FREM1: variants seen among roughly 807,000 people sequenced by gnomAD.
The protein encoded by FREM1 is FRAS1 related extracellular matrix 1.
A neutral mutation model predicts 210.1 loss-of-function variants in FREM1; 220 were observed. That is an observed-to-expected ratio of 1.05 (90% CI 0.94 to 1.17). FREM1 has a LOEUF of 1.17. Ranked by LOEUF, FREM1 falls within the 50% of genes most tolerant of loss-of-function variation. FREM1 has a pLI of 0.00. For missense variants in FREM1, 3,454 were observed against 2,675.5 expected, an observed-to-expected ratio of 1.29 and a Z score of -6.42; for synonymous variants, 1,189 against 980.2, an observed-to-expected ratio of 1.21 and a Z score of -3.98.
At chr9:14,906,948 C>G (rs1290383319) in intron 1 of FREM1, among the ~76,000 whole-genome samples, 1 of 152,154 alleles carries the variant, frequency 6.6e-6, no homozygotes, top group Non-Finnish European at 1.5e-5. Context: ...AAGTGACATG[C>G]AATCTTAGCA....
rs371893428 is a variant in FREM1 at position 14,884,072 on chromosome 9, T to C, written c.-267-14828A>G. Among the ~76,000 whole-genome samples the C allele has an allele frequency of 2.5e-4, 38 of 152,088 alleles. No individual in the cohort carries two copies. The South Asian group carries it at 7.3e-3, about 29-fold the overall frequency. ...GGCGAAACCCTGCCTCTACTAAAAATACAAAAATCAGCCGGGCGTGGTGGT... is the reference window on the plus strand; with the variant it reads ...GGCGAAACCCTGCCTCTACTAAAAACACAAAAATCAGCCGGGCGTGGTGGT... On this transcript the variant is annotated intron_variant, in intron 1 of 36. Transcript: ENST00000380880.
intron 1 of FREM1, among the ~76,000 whole-genome samples, chr9:14,879,621 A>G (rs1057168366): frequency 1.3e-5 from 2 of 152,220 alleles, no homozygotes; most frequent in Admixed American, 6.5e-5. Context: ...ATATACTTAT[A>G]CCATGGAATG....
At chr9:14,761,899 C>G (rs1423446469) in intron 27 of FREM1, among the ~76,000 whole-genome samples, 1 of 152,206 alleles carries the variant, frequency 6.6e-6, no homozygotes, top group Non-Finnish European at 1.5e-5. Flanking sequence ...GTGATGCTGG[C>G]ATCCCATGAT....
intron 22 of FREM1, among the ~76,000 whole-genome samples, chr9:14,792,260 CCA>C (rs1317167026): frequency 1.7e-5 from 2 of 114,392 alleles, no homozygotes; most frequent in African/African-American, 3.6e-5. Context: ...ATACACACAC[CCA>C]CACACACACG....
intron 16 of FREM1, among the ~76,000 whole-genome samples, chr9:14,809,864 G>A (rs112547263): frequency 0.032 from 4,712 of 145,832 alleles, 217 homozygotes; most frequent in African/African-American, 0.11. Flanking sequence ...AATGCAGTGT[G>A]GTTAGAATAG....
intron 35 of FREM1, among the ~76,000 whole-genome samples, chr9:14,745,699 T>C (rs1367852904): frequency 6.6e-6 from 1 of 152,224 alleles, no homozygotes; most frequent in South Asian, 2.1e-4. Context: ...ATTAGTCTAA[T>C]TGTGTTGTTT....
In FREM1 at chr9:14,874,807, G is replaced by A. The variant is rs567403259; in HGVS notation, c.-267-5563C>T. Among the ~76,000 whole-genome samples, 52 of 152,258 alleles carry A rather than the reference G, an allele frequency of 3.4e-4. No homozygotes were observed. In the East Asian group the frequency reaches 8.3e-3, roughly 24 times the overall value. ...GCATGATTTTGCAGTGGCTGGTACC[G>A]GTTGTTCCTTTCCATATTTAGTGCT... On this transcript the variant is annotated intron_variant, in intron 1 of 36. Transcript: ENST00000380880.
At chr9:14,898,463 C>A (rs573921891) in intron 1 of FREM1, among the ~76,000 whole-genome samples, 22 of 152,220 alleles carry the variant, frequency 1.4e-4, no homozygotes, top group Admixed American at 1.0e-3. Context: ...AGAATGCAGC[C>A]GGGTGTGGTG....
intron 29 of FREM1, among the ~76,000 whole-genome samples, chr9:14,755,073 G>T (rs1035915844): frequency 1.3e-5 from 2 of 152,308 alleles, no homozygotes; most frequent in African/African-American, 4.8e-5. Flanking sequence ...CCGGAAGCAT[G>T]GAAGAGAGGC....
In FREM1 at chr9:14,773,317, G is replaced by T. The variant is rs373993019; in HGVS notation, c.4857+2472C>A. ...TGGTATCAGTCAAATACACCTGTGT[G>T]TTGCAGCAGTTTTGCCCTCAATTAC... On this transcript the variant is annotated intron_variant, in intron 25 of 36. Coordinates refer to ENST00000380880, the MANE Select transcript of FREM1 (RefSeq NM_001379081.2). Among the ~76,000 whole-genome samples the T allele has an allele frequency of 2.2e-4, 34 of 152,326 alleles. 1 individual carries two copies. In the East Asian group the frequency reaches 4.6e-3, roughly 21 times the overall value.
chr9:14,774,691 C>T (rs1002587421), intron 25 of FREM1, among the ~76,000 whole-genome samples: 2 of 151,948 alleles, frequency 1.3e-5, no homozygotes, highest in Admixed American at 1.3e-4. Flanking sequence ...AGAGTAGATT[C>T]AAGGGTTTGA....
chr9:14,819,158 T>A, intron 14 of FREM1, 76 bp downstream of exon 14: 1 of 1,040,804 alleles, frequency 9.6e-7, no homozygotes, highest in Non-Finnish European at 1.4e-6. Flanking sequence ...CAAACTTCTT[T>A]CTCTTACTCT....
intron 29 of FREM1, among the ~76,000 whole-genome samples, chr9:14,750,814 A>G (rs996042108): frequency 6.6e-6 from 1 of 152,130 alleles, no homozygotes; most frequent in Non-Finnish European, 1.5e-5. Flanking sequence ...ATGATATAAT[A>G]CTCAGTAGTT....
intron 20 of FREM1, among the ~76,000 whole-genome samples, chr9:14,800,043 C>A (rs771035348): frequency 1.3e-5 from 2 of 148,468 alleles, no homozygotes; most frequent in Non-Finnish European, 3.0e-5. Flanking sequence ...TGAGAACATG[C>A]AGTGTTTGGT....
Position 14,819,250 on chromosome 9 carries a change from G to A in FREM1, c.2530C>T (p.His844Tyr), listed in dbSNP as rs936774334. ...TGTTCTAACCTAACTTTTAAGGTAT[G>A]GAGATCGCCCCAAGAAAATGTGCCC... is the stretch of plus-strand genomic sequence containing the variant. ...SGGTFSWGDL[H>Y]TLKVRYQHDG... The change falls in exon 14 of 37, where the codon CAT becomes TAT. Residue 844 changes from histidine (H) to tyrosine (Y), a missense_variant. By Grantham distance (83) the His-to-Tyr change is moderately conservative. Transcript: ENST00000380880. 3.7e-6 allele frequency: 6 copies of A among 1,612,116 alleles called. No individual in the cohort carries two copies. The African/African-American group carries it at 8.0e-5, about 22-fold the overall frequency.
rs757049013 is a variant in FREM1 at position 14,824,977 on chromosome 9, T to C, written c.1897A>G (p.Ile633Val). The change falls in exon 11 of 37, where the codon ATA (isoleucine) becomes GTA (valine). Residue 633 changes from isoleucine (I) to valine (V), a missense_variant. Coordinates refer to ENST00000380880, the MANE Select transcript of FREM1 (RefSeq NM_001379081.2). The stretch of plus-strand genomic sequence containing the variant: ...GGAAGCTGGTCATCCACTGGAGTTA[T>C]ATGGATTGTTGCCACCTGGAATAAA... ...LSVPQVATIH[I>V]TPVDDQLPKE... 3.5e-5 allele frequency: 55 copies of C among 1,583,006 alleles called. No homozygotes were observed. The highest frequency in any genetic ancestry group is 4.8e-5 in the South Asian group (4 of 83,236).
rs889711285 is a variant in FREM1 at position 14,747,174 on chromosome 9, C to A, written c.6009+90G>T. 1.0e-5 allele frequency: 16 copies of A among 1,574,266 alleles called. No individual in the cohort carries two copies. In the African/African-American group the frequency reaches 1.8e-4, roughly 17 times the overall value. ...TGTGTTGGGTAAACTATCCCCCCAA[C>A]CTTGGAGGCTATTTTGTGAATTAAG... On this transcript the variant is annotated intron_variant, in intron 33 of 36. Coordinates refer to ENST00000380880, the MANE Select transcript of FREM1 (RefSeq NM_001379081.2).
At position 14,863,923 on chromosome 9, in the gene FREM1, G is replaced by C; in HGVS notation, c.235-20C>G. On this transcript the variant is annotated intron_variant, in intron 2 of 36. Coordinates refer to ENST00000380880, the MANE Select transcript of FREM1 (RefSeq NM_001379081.2). ...AAAGACCTAGTTCACATGAAGAATTGGATAAATATCTATGAGAAAATTGGT... is the reference window on the plus strand; with the variant it reads ...AAAGACCTAGTTCACATGAAGAATTCGATAAATATCTATGAGAAAATTGGT... 6.9e-7 allele frequency: 1 copy of C among 1,456,964 alleles called. No individual in the cohort carries two copies. Among genetic ancestry groups the C allele is most frequent in the Non-Finnish European group, 9.6e-7 (1 of 1,038,324 alleles). The allele number at this position is 1,456,964 out of a possible 1,614,324, so 90.3% of individuals were successfully genotyped here.
intron 10 of FREM1, among the ~76,000 whole-genome samples, chr9:14,839,085 A>G (rs1333972349): frequency 6.6e-6 from 1 of 152,184 alleles, no homozygotes; most frequent in African/African-American, 2.4e-5. Context: ...CGCAACTATA[A>G]GGATTTGGTT....
Sources: allele counts gnomAD v4.1 joint callset (sites outside exome capture counted in the v4.1 genomes callset), GRCh38; gene constraint gnomAD v4.1.1; transcripts MANE v1.5; gene names NCBI Gene and HGNC (gene_info 2026-07-23, HGNC 2026-07-21).